Variants in ANLN observed in about 807,000 individuals in gnomAD.
The protein encoded by ANLN is anillin.
ANLN carries 59 observed loss-of-function variants against 135.1 expected under a neutral mutation model. The ratio of observed to expected loss-of-function variants is 0.44; its 90% confidence interval spans 0.35 to 0.54. The LOEUF (loss-of-function observed/expected upper bound fraction) is 0.54. ANLN is among the 20% of genes least tolerant of loss of function. ANLN has a pLI of 0.00. For synonymous variants in ANLN, 406 were observed against 456.4 expected, an observed-to-expected ratio of 0.89 and a Z score of 1.41; for missense variants, 1,182 against 1,340.0, an observed-to-expected ratio of 0.88 and a Z score of 1.84.
intron 20 of ANLN, among the ~76,000 whole-genome samples, chr7:36,433,778 G>GT (rs1788420294): frequency 6.6e-6 from 1 of 151,796 alleles, no homozygotes; most frequent in African/African-American, 2.4e-5. Context: ...AAGTTCACCT[G>GT]TTTTTTTCTT....
At chr7:36,441,619 G>T (rs1200180999) in intron 21 of ANLN, among the ~76,000 whole-genome samples, 3 of 152,154 alleles carry the variant, frequency 2.0e-5, no homozygotes, top group Non-Finnish European at 2.9e-5. Flanking sequence ...CAGCCAGAAG[G>T]TTCAATTTTT....
chr7:36,405,908 A>G (rs1415723853), intron 3 of ANLN, among the ~76,000 whole-genome samples: 2 of 152,204 alleles, frequency 1.3e-5, no homozygotes, highest in Non-Finnish European at 2.9e-5. Context: ...CCATTAATTC[A>G]TTCTAAAAAT....
At chr7:36,410,936 A>T in intron 6 of ANLN, 123 bp from the exon 7 acceptor site, 1 of 986,384 alleles carries the variant, frequency 1.0e-6, no homozygotes, top group Non-Finnish European at 1.5e-6. Context: ...TGAACTTTTT[A>T]AACTGAAAAC....
At chr7:36,445,161 CTTTTTTTTTTT>C (rs70977145) in intron 22 of ANLN, among the ~76,000 whole-genome samples, 14 of 57,822 alleles carry the variant, frequency 2.4e-4, no homozygotes, top group East Asian at 1.1e-3. Flanking sequence ...ATTTGGGATT[CTTTTTTTTTTT>C]TTTTTTTTTT....
intron 20 of ANLN, among the ~76,000 whole-genome samples, chr7:36,432,874 A>G (rs939246800): frequency 6.6e-5 from 10 of 152,198 alleles, no homozygotes; most frequent in African/African-American, 2.4e-4. Context: ...TGCTTCATGT[A>G]ACTTACAATA....
At chr7:36,425,769 T>C in intron 18 of ANLN, 29 bp downstream of exon 18, 2 of 1,603,218 alleles carry the variant, frequency 1.2e-6, no homozygotes, top group Non-Finnish European at 1.7e-6. Flanking sequence ...AAATTGAGCT[T>C]CCTTGAGAAA....
intron 20 of ANLN, among the ~76,000 whole-genome samples, chr7:36,430,690 C>A (rs1024739194): frequency 1.3e-5 from 2 of 152,140 alleles, no homozygotes; most frequent in African/African-American, 4.8e-5. Context: ...AATGGTTAGG[C>A]ATTCTGGTAT....
intron 14 of ANLN, 122 bp from the exon 15 acceptor site, chr7:36,423,695 T>C: frequency 1.0e-6 from 1 of 959,764 alleles, no homozygotes. Flanking sequence ...TTTTAGTAAT[T>C]TTAAAAATAA....
chr7:36,393,942 C>A (rs1462667892), intron 1 of ANLN, among the ~76,000 whole-genome samples: 6 of 151,070 alleles, frequency 4.0e-5, no homozygotes, highest in Admixed American at 3.9e-4. Context: ...TTAACCCTTG[C>A]CTGGCATGGC....
chr7:36,391,625 A>G (rs1235468364), intron 1 of ANLN, among the ~76,000 whole-genome samples: 1 of 152,202 alleles, frequency 6.6e-6, no homozygotes, highest in African/African-American at 2.4e-5. Context: ...TAACATTTGC[A>G]CAGTGAAATG....
intron 5 of ANLN, among the ~76,000 whole-genome samples, chr7:36,408,770 A>G (rs191244413): frequency 3.9e-5 from 6 of 152,322 alleles, no homozygotes; most frequent in Admixed American, 3.9e-4. Flanking sequence ...GCATTTACAT[A>G]TAAAACAAAA....
At chr7:36,435,265 A>C (rs1480459732) in intron 20 of ANLN, among the ~76,000 whole-genome samples, 1 of 152,134 alleles carries the variant, frequency 6.6e-6, no homozygotes, top group East Asian at 1.9e-4. Context: ...AATCCCAGCC[A>C]CTACAGGCAA....
intron 21 of ANLN, among the ~76,000 whole-genome samples, chr7:36,441,379 A>G (rs1562820309): frequency 6.6e-6 from 1 of 152,252 alleles, no homozygotes; most frequent in Non-Finnish European, 1.5e-5. Context: ...CCCCGACATA[A>G]CTTCTGTCCT....
intron 20 of ANLN, among the ~76,000 whole-genome samples, chr7:36,433,779 T>G (rs562834025): frequency 1.3e-5 from 2 of 152,238 alleles, no homozygotes; most frequent in African/African-American, 4.8e-5. Flanking sequence ...AGTTCACCTG[T>G]TTTTTTCTTG....
rs1788008723 is a variant in ANLN, at chr7:36,424,674, G to A, written c.2653-12G>A. On this transcript the variant is annotated splice_polypyrimidine_tract_variant and intron_variant, in intron 16 of 23. Coordinates refer to ENST00000265748, the MANE Select transcript of ANLN (RefSeq NM_018685.5). ...AGATTATAAATTAATTATGCTTTGGGTTTGTGCGTAGGTGCAAAAGAAAGA... is the reference window on the plus strand; with the variant it reads ...AGATTATAAATTAATTATGCTTTGGATTTGTGCGTAGGTGCAAAAGAAAGA... 2 of 1,610,134 alleles carry A rather than the reference G, an allele frequency of 1.2e-6. No homozygotes were observed. Among genetic ancestry groups the A allele is most frequent in the East Asian group, 2.2e-5 (1 of 44,742 alleles).
intron 22 of ANLN, 112 bp downstream of exon 22, chr7:36,443,974 G>A: frequency 1.4e-6 from 1 of 705,114 alleles, no homozygotes; most frequent in East Asian, 2.9e-5. Context: ...AACCCTTTTT[G>A]TGTACTCACT....
intron 22 of ANLN, among the ~76,000 whole-genome samples, chr7:36,447,848 A>G (rs945754106): frequency 5.3e-5 from 8 of 152,088 alleles, no homozygotes; most frequent in Admixed American, 1.3e-4. Flanking sequence ...ATATTTTTCA[A>G]CTATGGTGGA....
At chr7:36,390,193 C>G in intron 1 of ANLN, 149 bp downstream of exon 1, 1 of 1,322,344 alleles carries the variant, frequency 7.6e-7, no homozygotes, top group Non-Finnish European at 1.0e-6. Flanking sequence ...GTCGCCGCGG[C>G]TGCGGCCTGC....
intron 7 of ANLN, among the ~76,000 whole-genome samples, chr7:36,411,747 T>C (rs1787421021): frequency 6.6e-6 from 1 of 152,226 alleles, no homozygotes. Flanking sequence ...AACAGTAAAT[T>C]TAATCAGTAT....
Sources: allele counts gnomAD v4.1 joint callset (sites outside exome capture counted in the v4.1 genomes callset), GRCh38; gene constraint gnomAD v4.1.1; transcripts MANE v1.5; gene names NCBI Gene and HGNC (gene_info 2026-07-23, HGNC 2026-07-21).